Variants in PTTG1IP2 observed in about 807,000 individuals in gnomAD.
The protein encoded by PTTG1IP2 is PTTG1IP family member 2.
chr7:90,513,019 G>A (rs1422150031), intron 6 of PTTG1IP2, among the ~76,000 whole-genome samples: 6 of 152,230 alleles, frequency 3.9e-5, no homozygotes, highest in Admixed American at 2.6e-4. Context: ...TTGGCAGAAG[G>A]AAATAAATCG....
chr7:90,470,869 A>G (rs1797676178), intron 1 of PTTG1IP2, among the ~76,000 whole-genome samples: 1 of 151,900 alleles, frequency 6.6e-6, no homozygotes, highest in Admixed American at 6.6e-5. Context: ...AGGCCCAAAC[A>G]TAAAAACAAA....
intron 6 of PTTG1IP2, among the ~76,000 whole-genome samples, chr7:90,507,540 T>A (rs1212274644): frequency 6.6e-6 from 1 of 152,154 alleles, no homozygotes; most frequent in African/African-American, 2.4e-5. Context: ...ACATAATCAC[T>A]AAATGGTGAT....
At chr7:90,470,872 A>G (rs177669) in intron 1 of PTTG1IP2, among the ~76,000 whole-genome samples, 84,251 of 150,906 alleles carry the variant, frequency 0.56, 24,800 homozygotes, top group East Asian at 0.91. Context: ...CCCAAACATA[A>G]AAACAAATTC....
intron 2 of PTTG1IP2, among the ~76,000 whole-genome samples, chr7:90,486,467 C>CTTTTT (rs532687452): frequency 3.4e-5 from 4 of 119,224 alleles, no homozygotes; most frequent in Admixed American, 8.9e-5. Context: ...CTTTGTCTTC[C>CTTTTT]TTTTTTTTTT....
chr7:90,480,368 C>A (rs1182942444), intron 2 of PTTG1IP2, among the ~76,000 whole-genome samples: 2 of 152,078 alleles, frequency 1.3e-5, no homozygotes, highest in Non-Finnish European at 2.9e-5. Flanking sequence ...GGTTGTTCAC[C>A]TGAATACAAT....
chr7:90,505,941 G>T (rs1396248323), intron 6 of PTTG1IP2, among the ~76,000 whole-genome samples: 1 of 126,880 alleles, frequency 7.9e-6, no homozygotes, highest in Non-Finnish European at 1.6e-5. Flanking sequence ...CCGAGATTCC[G>T]CCACTGCAGT....
intron 6 of PTTG1IP2, among the ~76,000 whole-genome samples, chr7:90,507,209 T>C (rs562746250): frequency 2.0e-5 from 3 of 152,306 alleles, no homozygotes; most frequent in East Asian, 3.9e-4. Flanking sequence ...TGTAAGTGTA[T>C]GTAGTGATGA....
chr7:90,482,396 C>CA (rs999820881), intron 2 of PTTG1IP2, among the ~76,000 whole-genome samples: 1 of 151,984 alleles, frequency 6.6e-6, no homozygotes, highest in Non-Finnish European at 1.5e-5. Context: ...GGGAATCTTC[C>CA]TTAGATTCTA....
At chr7:90,490,340 G>A (rs1478522240) in intron 4 of PTTG1IP2, among the ~76,000 whole-genome samples, 3 of 150,892 alleles carry the variant, frequency 2.0e-5, no homozygotes, top group East Asian at 1.9e-4. Flanking sequence ...TAAGATAGAC[G>A]TGACCCAAAA....
chr7:90,491,536 T>C (rs1797938068), intron 4 of PTTG1IP2, among the ~76,000 whole-genome samples: 2 of 151,566 alleles, frequency 1.3e-5, no homozygotes, highest in East Asian at 3.9e-4. Flanking sequence ...GGCAGGAGAA[T>C]CGCTTGAATT....
At chr7:90,471,711 T>A (rs1301017493) in intron 1 of PTTG1IP2, among the ~76,000 whole-genome samples, 1 of 152,216 alleles carries the variant, frequency 6.6e-6, no homozygotes, top group Non-Finnish European at 1.5e-5. Flanking sequence ...TTTTTATTAA[T>A]TCTCCCAAAT....
chr7:90,488,853 T>TC lies in PTTG1IP2; in HGVS notation c.287-17dup, dbSNP rs1797906620. On this transcript the variant is annotated splice_polypyrimidine_tract_variant and intron_variant, in intron 3 of 6. Transcript: ENST00000509356. ...ATGTTCTGTTAACTTAAAATATATT[T>TC]CTTTTTATACATTTCAGTTGACATG... 1 of 151,984 alleles carries TC rather than the reference T, an allele frequency of 6.6e-6. No homozygotes were observed. The highest frequency in any genetic ancestry group is 1.5e-5 in the Non-Finnish European group (1 of 67,844). The allele number at this position is 151,984 out of a possible 1,614,324, so 9.4% of individuals were successfully genotyped here.
Position 90,469,774 on chromosome 7 carries a change from G to A in PTTG1IP2, c.-13G>A, listed in dbSNP as rs1245429343. The A allele has an allele frequency of 3.3e-5, 5 of 152,834 alleles. No homozygotes were observed. The highest frequency in any genetic ancestry group is 9.6e-5 in the African/African-American group (4 of 41,458). The allele number at this position is 152,834 out of a possible 1,614,324, so 9.5% of individuals were successfully genotyped here. ...AGGTTCCCAGTGGCTGGGGTCACCA[G>A]GTCTGAAGAGAGATGTGCTGGCTGC... is the stretch of plus-strand genomic sequence containing the variant. On this transcript the variant is annotated 5_prime_UTR_variant, in exon 1 of 7. Coordinates refer to ENST00000509356, the MANE Select transcript of PTTG1IP2 (RefSeq NM_001365443.2).
intron 2 of PTTG1IP2, among the ~76,000 whole-genome samples, chr7:90,482,894 G>A (rs568750925): frequency 1.3e-5 from 2 of 152,248 alleles, no homozygotes; most frequent in African/African-American, 4.8e-5. Context: ...AGCCCAGTGG[G>A]ATTTTTGAAT....
intron 2 of PTTG1IP2, among the ~76,000 whole-genome samples, chr7:90,485,324 G>A (rs374606636): frequency 5.1e-4 from 77 of 152,176 alleles, no homozygotes; most frequent in African/African-American, 1.7e-3. Context: ...AATCTCAACT[G>A]CAATTGGACT....
chr7:90,491,467 A>G (rs1304955420), intron 4 of PTTG1IP2, among the ~76,000 whole-genome samples: 1 of 151,960 alleles, frequency 6.6e-6, no homozygotes, highest in Admixed American at 6.6e-5. Flanking sequence ...TACTAAAAAT[A>G]CAAAACTTAG....
At chr7:90,500,937 T>C (rs1224784112) in intron 6 of PTTG1IP2, among the ~76,000 whole-genome samples, 2 of 152,168 alleles carry the variant, frequency 1.3e-5, no homozygotes, top group Middle Eastern at 6.3e-3. Flanking sequence ...GAAGATAGGG[T>C]TTAGAAATGT....
intron 6 of PTTG1IP2, among the ~76,000 whole-genome samples, chr7:90,506,007 A>G (rs748111973): frequency 0.12 from 16,629 of 137,214 alleles, 1,393 homozygotes; most frequent in Middle Eastern, 0.2. Context: ...AAAAAAAAAA[A>G]AAAAAAAAAA....
intron 6 of PTTG1IP2, among the ~76,000 whole-genome samples, chr7:90,499,092 T>A (rs1175716001): frequency 6.6e-6 from 1 of 152,092 alleles, no homozygotes; most frequent in Non-Finnish European, 1.5e-5. Flanking sequence ...GCTCAAGCAA[T>A]CCACCCACCT....
Sources: allele counts gnomAD v4.1 joint callset (sites outside exome capture counted in the v4.1 genomes callset), GRCh38; gene constraint gnomAD v4.1.1; transcripts MANE v1.5; gene names NCBI Gene and HGNC (gene_info 2026-07-23, HGNC 2026-07-21).